CHMP4B: variants seen among roughly 807,000 people sequenced by gnomAD.
CHMP4B encodes charged multivesicular body protein 4B.
A neutral mutation model predicts 25.1 loss-of-function variants in CHMP4B; 1 was observed. The observed-to-expected ratio is 0.04, with a 90% CI of 0.01 to 0.19. The LOEUF (loss-of-function observed/expected upper bound fraction) is 0.19. CHMP4B is among the 10% of genes least tolerant of loss of function. The pLI is 1.00. For synonymous variants in CHMP4B, 101 were observed against 115.6 expected, an observed-to-expected ratio of 0.87 and a Z score of 0.81; for missense variants, 151 against 289.7, an observed-to-expected ratio of 0.52 and a Z score of 3.48.
At chr20:33,849,631 T>C (rs1033263933) in intron 2 of CHMP4B, among the ~76,000 whole-genome samples, 2 of 152,110 alleles carry the variant, frequency 1.3e-5, no homozygotes, top group African/African-American at 4.8e-5. Flanking sequence ...ATAAAAAATC[T>C]GCATTTGTTG....
intron 1 of CHMP4B, among the ~76,000 whole-genome samples, chr20:33,826,833 C>T (rs1423236448): frequency 1.3e-5 from 2 of 152,136 alleles, no homozygotes; most frequent in African/African-American, 4.8e-5. Context: ...TTGACCCAGC[C>T]TCATTTATTA....
intron 1 of CHMP4B, among the ~76,000 whole-genome samples, chr20:33,840,705 C>CT (rs201460829): frequency 1.3e-5 from 2 of 151,942 alleles, no homozygotes; most frequent in African/African-American, 4.8e-5. Flanking sequence ...TCTTTCCTTT[C>CT]TTTTTTTTGG....
rs369250947 is a variant in CHMP4B, at chr20:33,827,519, C to T, written c.190+15861C>T. Among the ~76,000 whole-genome samples the T allele has an allele frequency of 1.7e-4, 26 of 152,342 alleles. No homozygotes were observed. In the East Asian group the frequency reaches 4.8e-3, roughly 28 times the overall value. ...TTTGTAGAAGGTACTGGACATTTTT[C>T]TGTTTTGATTCCTTGGATCAGAGGC... is the stretch of plus-strand genomic sequence containing the variant. On this transcript the variant is annotated intron_variant, in intron 1 of 4. Transcript: ENST00000217402.
chr20:33,837,244 C>A (rs1048709120), intron 1 of CHMP4B, among the ~76,000 whole-genome samples: 2 of 151,926 alleles, frequency 1.3e-5, no homozygotes, highest in African/African-American at 4.8e-5. Context: ...ACAGCTATTT[C>A]GGAGGCTGAG....
intron 1 of CHMP4B, among the ~76,000 whole-genome samples, chr20:33,823,892 T>C (rs1979015101): frequency 6.6e-6 from 1 of 151,880 alleles, no homozygotes; most frequent in Admixed American, 6.6e-5. Flanking sequence ...GCCAGGCTGT[T>C]CTTGAACTCC....
intron 1 of CHMP4B, among the ~76,000 whole-genome samples, chr20:33,833,988 C>T (rs539004464): frequency 5.9e-5 from 9 of 152,288 alleles, no homozygotes; most frequent in East Asian, 1.9e-4. Flanking sequence ...TCATCTAAGC[C>T]GTTGCATCCT....
chr20:33,813,776 A>G (rs1978706664), intron 1 of CHMP4B, among the ~76,000 whole-genome samples: 1 of 152,162 alleles, frequency 6.6e-6, no homozygotes, highest in Non-Finnish European at 1.5e-5. Flanking sequence ...TCTGTTGCCC[A>G]GGCTGGAGTG....
At chr20:33,832,800 A>T (rs376016770) in intron 1 of CHMP4B, among the ~76,000 whole-genome samples, 2 of 145,800 alleles carry the variant, frequency 1.4e-5, no homozygotes, top group African/African-American at 2.6e-5. Flanking sequence ...TTTTAAAGAG[A>T]CAGGGTCTCG....
intron 1 of CHMP4B, among the ~76,000 whole-genome samples, chr20:33,830,933 G>GTTTTTTGTTTTTTTT (rs1979223562): frequency 4.9e-5 from 5 of 102,524 alleles, no homozygotes; most frequent in East Asian, 4.7e-4. Context: ...AAGGAACAGA[G>GTTTTTTGTTTTTTTT]TTTTTTTTTT....
intron 1 of CHMP4B, among the ~76,000 whole-genome samples, chr20:33,843,335 T>G (rs372480173): frequency 6.6e-6 from 1 of 152,206 alleles, no homozygotes; most frequent in Non-Finnish European, 1.5e-5. Context: ...AATATGGAGA[T>G]TCCAAGGACT....
rs756387158 is a variant in CHMP4B at position 33,853,532 on chromosome 20, A to C, written c.647A>C (p.Glu216Ala). 1 of 1,613,636 alleles carries C rather than the reference A, an allele frequency of 6.2e-7. No homozygotes were observed. Among genetic ancestry groups the C allele is most frequent in the Admixed American group, 1.7e-5 (1 of 59,990 alleles). The change falls in exon 5 of 5, where the codon GAA (glutamate) becomes GCA (alanine). Residue 216 changes from glutamate to alanine, a missense_variant. Transcript: ENST00000217402. ...GAAGAGGAGGACGACGACATGAAGGAATTGGAGAACTGGGCTGGATCCATG... is the reference window on the plus strand; with the variant it reads ...GAAGAGGAGGACGACGACATGAAGGCATTGGAGAACTGGGCTGGATCCATG... ...KKEEEDDDMK[E>A]LENWAGSM
intron 1 of CHMP4B, among the ~76,000 whole-genome samples, chr20:33,816,267 T>C (rs1362396318): frequency 1.3e-5 from 2 of 152,218 alleles, no homozygotes; most frequent in African/African-American, 4.8e-5. Flanking sequence ...ATGTGGTCTC[T>C]GCCATCCAAG....
At chr20:33,822,143 T>G (rs1369914937) in intron 1 of CHMP4B, among the ~76,000 whole-genome samples, 1 of 151,850 alleles carries the variant, frequency 6.6e-6, no homozygotes, top group South Asian at 2.1e-4. Context: ...TTTTATTTAT[T>G]TATTTATTTA....
intron 1 of CHMP4B, among the ~76,000 whole-genome samples, chr20:33,847,038 T>C (rs1249431491): frequency 6.6e-6 from 1 of 152,024 alleles, no homozygotes; most frequent in Non-Finnish European, 1.5e-5. Flanking sequence ...CCACAAAATA[T>C]GAGACTTGAA....
intron 1 of CHMP4B, among the ~76,000 whole-genome samples, chr20:33,841,845 G>A (rs924504670): frequency 5.9e-5 from 9 of 152,160 alleles, no homozygotes; most frequent in African/African-American, 2.2e-4. Flanking sequence ...GAAACTGGAT[G>A]GAAGAACATT....
At chr20:33,832,384 T>A (rs1371471163) in intron 1 of CHMP4B, among the ~76,000 whole-genome samples, 1 of 152,182 alleles carries the variant, frequency 6.6e-6, no homozygotes, top group Non-Finnish European at 1.5e-5. Context: ...GCCTGGGACC[T>A]GGCGGGTGGG....
At chr20:33,813,372 T>C (rs1978693108) in intron 1 of CHMP4B, among the ~76,000 whole-genome samples, 1 of 152,090 alleles carries the variant, frequency 6.6e-6, no homozygotes, top group South Asian at 2.1e-4. Flanking sequence ...TGGAGAGTAT[T>C]TTGTTGGAAC....
At chr20:33,837,298 C>T (rs2122802096) in intron 1 of CHMP4B, among the ~76,000 whole-genome samples, 1 of 152,182 alleles carries the variant, frequency 6.6e-6, no homozygotes, top group South Asian at 2.1e-4. Context: ...TTGCAGTGCA[C>T]TGAGATTGTG....
At chr20:33,842,184 G>T (rs1979561804) in intron 1 of CHMP4B, among the ~76,000 whole-genome samples, 1 of 152,096 alleles carries the variant, frequency 6.6e-6, no homozygotes, top group African/African-American at 2.4e-5. Flanking sequence ...GTACAAGGAT[G>T]GTCACTGATA....
Sources: allele counts gnomAD v4.1 joint callset (sites outside exome capture counted in the v4.1 genomes callset), GRCh38; gene constraint gnomAD v4.1.1; transcripts MANE v1.5; gene names NCBI Gene and HGNC (gene_info 2026-07-23, HGNC 2026-07-21).